UNC13C: variants seen among roughly 807,000 people sequenced by gnomAD.
UNC13C encodes the protein protein unc-13 homolog C.
In UNC13C, 174 loss-of-function variants were observed where a neutral mutation model predicts 245.4. The ratio of observed to expected loss-of-function variants is 0.71; its 90% CI spans 0.63 to 0.80. UNC13C has a LOEUF of 0.80. Among genes scored for constraint, UNC13C ranks in the 30% least tolerant of loss-of-function variants. The pLI, the probability that UNC13C is intolerant of heterozygous loss-of-function variation, is 0.00. For synonymous variants in UNC13C, 992 were observed against 895.1 expected, an observed-to-expected ratio of 1.11 and a Z score of -1.93; for missense variants, 2,829 against 2,602.9, an observed-to-expected ratio of 1.09 and a Z score of -1.89.
At chr15:54,621,895 A>G (rs1056393026) in intron 30 of UNC13C, among the ~76,000 whole-genome samples, 2 of 152,302 alleles carry the variant, frequency 1.3e-5, no homozygotes, top group Middle Eastern at 3.4e-3. Context: ...CTGGCCAACT[A>G]TGAGTTTCAT....
At chr15:53,932,340 AC>A in the UNC13C span, among the ~76,000 whole-genome samples, 46,992 of 122,988 alleles carry the variant, frequency 0.38, 7,392 homozygotes, top group East Asian at 0.46. Context: ...AACAACAACA[AC>A]AAACAGTGCT....
chr15:54,172,703 G>GATATAGATAT (rs2033449557), intron 4 of UNC13C, among the ~76,000 whole-genome samples: 2 of 78,468 alleles, frequency 2.5e-5, no homozygotes, highest in Non-Finnish European at 5.1e-5. Context: ...TACACACACA[G>GATATAGATAT]ATATATATAT....
intron 19 of UNC13C, among the ~76,000 whole-genome samples, chr15:54,485,670 C>T (rs1893366931): frequency 6.6e-6 from 1 of 152,170 alleles, no homozygotes; most frequent in African/African-American, 2.4e-5. Context: ...TTACAAGATC[C>T]TATGTGACCT....
the UNC13C span, among the ~76,000 whole-genome samples, chr15:53,850,132 G>A: frequency 6.6e-6 from 1 of 151,916 alleles, no homozygotes; most frequent in East Asian, 1.9e-4. Flanking sequence ...AATTCTAGGG[G>A]GCGCTGGGCA....
intron 2 of UNC13C, among the ~76,000 whole-genome samples, chr15:54,120,760 A>G (rs559418494): frequency 6.6e-6 from 1 of 152,078 alleles, no homozygotes; most frequent in East Asian, 1.9e-4. Flanking sequence ...GGAGTTGGAA[A>G]AAGTTGATTC....
At chr15:54,480,152 G>A (rs1359638902) in intron 19 of UNC13C, among the ~76,000 whole-genome samples, 4 of 152,008 alleles carry the variant, frequency 2.6e-5, no homozygotes, top group Non-Finnish European at 2.9e-5. Flanking sequence ...CTTGGAGGAA[G>A]CTTTTGGATT....
In UNC13C at chr15:54,511,788, G is replaced by A. The variant is rs1431812801; in HGVS notation, c.5415G>A (p.Arg1805=). ...TGATGAACAATATTCAACAATTGCG[G>A]GTCCAGCTGGAAAAAATGTTTGAAT... ...CILMNNIQQL[R]VQLEKMFESM... Residue 1805 remains arginine (R), a synonymous_variant, in exon 24 of 33, where the codon CGG becomes CGA. Transcript: ENST00000260323. 1.2e-6 allele frequency: 2 copies of A among 1,609,786 alleles called. No individual in the cohort carries two copies. Among genetic ancestry groups the A allele is most frequent in the South Asian group, 1.1e-5 (1 of 90,082 alleles).
chr15:54,191,952 C>G (rs565179580), intron 4 of UNC13C, among the ~76,000 whole-genome samples: 15 of 152,106 alleles, frequency 9.9e-5, no homozygotes, highest in Admixed American at 9.2e-4. Context: ...GATATTAGCC[C>G]TTTGTCAGAT....
intron 4 of UNC13C, among the ~76,000 whole-genome samples, chr15:54,167,964 A>G (rs111617435): frequency 0.03 from 4,554 of 152,272 alleles, 233 homozygotes; most frequent in African/African-American, 0.11. Context: ...CTAAAACAAC[A>G]TCTAATTTTG....
At chr15:54,064,033 T>C (rs1272269494) in intron 2 of UNC13C, among the ~76,000 whole-genome samples, 1 of 152,168 alleles carries the variant, frequency 6.6e-6, no homozygotes, top group East Asian at 1.9e-4. Context: ...TTCTTATCCC[T>C]CTTTGTGTCT....
intron 12 of UNC13C, among the ~76,000 whole-genome samples, chr15:54,299,607 C>T (rs2037523939): frequency 6.6e-6 from 1 of 152,074 alleles, no homozygotes; most frequent in African/African-American, 2.4e-5. Flanking sequence ...TGTAGACCCA[C>T]CCAACTTTAC....
intron 17 of UNC13C, among the ~76,000 whole-genome samples, chr15:54,363,419 G>A (rs926864353): frequency 1.3e-5 from 2 of 152,164 alleles, no homozygotes; most frequent in African/African-American, 2.4e-5. Flanking sequence ...CTAATCATGA[G>A]GTTTTTATCG....
chr15:54,178,203 G>T (rs1450547764), intron 4 of UNC13C, among the ~76,000 whole-genome samples: 1 of 152,060 alleles, frequency 6.6e-6, no homozygotes, highest in Non-Finnish European at 1.5e-5. Flanking sequence ...GTAAGTTGAT[G>T]ATGTAAAACC....
chr15:54,064,508 A>G (rs554045139), intron 2 of UNC13C, among the ~76,000 whole-genome samples: 6 of 152,220 alleles, frequency 3.9e-5, no homozygotes, highest in Non-Finnish European at 8.8e-5. Context: ...TTCAATATGC[A>G]CGTGGAAGCA....
intron 2 of UNC13C, among the ~76,000 whole-genome samples, chr15:54,117,991 G>T (rs949467410): frequency 6.6e-6 from 1 of 151,934 alleles, no homozygotes; most frequent in African/African-American, 2.4e-5. Context: ...TCTCTCTTCT[G>T]TTCCTTTGGT....
At chr15:54,194,595 C>T (rs1330469996) in intron 4 of UNC13C, among the ~76,000 whole-genome samples, 1 of 146,030 alleles carries the variant, frequency 6.8e-6, no homozygotes, top group Non-Finnish European at 1.6e-5. Context: ...ATTGAATAAA[C>T]GTTGCTTCAA....
At chr15:54,577,891 T>C (rs1898025844) in intron 30 of UNC13C, among the ~76,000 whole-genome samples, 1 of 152,328 alleles carries the variant, frequency 6.6e-6, no homozygotes, top group Non-Finnish European at 1.5e-5. Flanking sequence ...AACTCCTTCA[T>C]ATGGGTCAAA....
At chr15:54,581,352 C>G (rs1898192246) in intron 30 of UNC13C, among the ~76,000 whole-genome samples, 1 of 152,214 alleles carries the variant, frequency 6.6e-6, no homozygotes, top group South Asian at 2.1e-4. Context: ...ATTACCTGCT[C>G]AGGCTGTCAT....
downstream of UNC13C, chr15:54,628,720 T>TAACA (rs369517519): frequency 6.1e-4 from 93 of 152,354 alleles, no homozygotes; most frequent in African/African-American, 2.0e-3. Flanking sequence ...TATTTGGTTC[T>TAACA]AACATCTCAT....
Sources: gnomAD v4.1 joint callset for allele counts (sites outside exome capture counted in the v4.1 genomes callset) on GRCh38, gnomAD v4.1.1 for gene constraint, MANE v1.5 for transcripts, NCBI Gene and HGNC (gene_info 2026-07-23, HGNC 2026-07-21) for gene names.